MNAT1: variants seen among roughly 807,000 people sequenced by gnomAD.
MNAT1 encodes the protein MNAT1 component of CDK activating kinase.
In MNAT1, 43 loss-of-function variants were observed where a neutral mutation model predicts 42.0. The ratio of observed to expected loss-of-function variants is 1.02; its 90% CI spans 0.80 to 1.32. The LOEUF (loss-of-function observed/expected upper bound fraction) is 1.32, where lower values mean the gene tolerates loss of function less well. MNAT1 is among the 40% of genes most tolerant of loss of function. MNAT1 has a pLI of 0.00. For missense variants in MNAT1, 306 were observed against 350.4 expected, an observed-to-expected ratio of 0.87 and a Z score of 1.01; for synonymous variants, 118 against 120.0, an observed-to-expected ratio of 0.98 and a Z score of 0.11.
At chr14:60,839,502 C>G (rs1047963546) in intron 6 of MNAT1, among the ~76,000 whole-genome samples, 1 of 152,160 alleles carries the variant, frequency 6.6e-6, no homozygotes, top group African/African-American at 2.4e-5. Flanking sequence ...GATAAAAACT[C>G]TGGACCAGGT....
At chr14:60,874,884 T>C (rs1026457136) in intron 6 of MNAT1, among the ~76,000 whole-genome samples, 1 of 152,186 alleles carries the variant, frequency 6.6e-6, no homozygotes, top group Non-Finnish European at 1.5e-5. Flanking sequence ...TTATCTGCTC[T>C]GTTGGTGATT....
At chr14:60,794,452 C>T (rs1160162788) in intron 1 of MNAT1, among the ~76,000 whole-genome samples, 1 of 151,102 alleles carries the variant, frequency 6.6e-6, no homozygotes, top group Non-Finnish European at 1.5e-5. Flanking sequence ...ATCGCTTGAG[C>T]CCAGGAGTTC....
intron 1 of MNAT1, among the ~76,000 whole-genome samples, chr14:60,783,109 A>G (rs1490984341): frequency 6.6e-6 from 1 of 152,246 alleles, no homozygotes; most frequent in Non-Finnish European, 1.5e-5. Context: ...ATAGAGTAAC[A>G]TAAACCTAAT....
At chr14:60,856,007 C>T (rs1180703962) in intron 6 of MNAT1, among the ~76,000 whole-genome samples, 1 of 152,072 alleles carries the variant, frequency 6.6e-6, no homozygotes, top group Non-Finnish European at 1.5e-5. Context: ...AATTAACAAC[C>T]CTACAGTGTC....
At position 60,760,297 on chromosome 14, in the gene MNAT1, T is replaced by A. The variant is rs1025599088; in HGVS notation, c.89+25346T>A. On this transcript the variant is annotated intron_variant, in intron 1 of 7. Coordinates refer to ENST00000261245, the MANE Select transcript of MNAT1 (RefSeq NM_002431.4). ...GGATATTGCTTCTGTTGATGGAAATTTAGAAATATGAAATTTTGATAGCTC... is the reference window on the plus strand; with the variant it reads ...GGATATTGCTTCTGTTGATGGAAATATAGAAATATGAAATTTTGATAGCTC... 4.3e-4 allele frequency among the ~76,000 whole-genome samples: 65 copies of A among 152,286 alleles called. 1 individual carries two copies. The highest frequency in any genetic ancestry group is 1.4e-3 in the African/African-American group (58 of 41,556).
chr14:60,892,858 T>C (rs963660415), intron 7 of MNAT1, among the ~76,000 whole-genome samples: 17 of 152,142 alleles, frequency 1.1e-4, no homozygotes, highest in Admixed American at 1.1e-3. Flanking sequence ...AACTCTGCTT[T>C]TAAACAGTTC....
chr14:60,784,809 C>G (rs1385902743), intron 1 of MNAT1, among the ~76,000 whole-genome samples: 1 of 151,802 alleles, frequency 6.6e-6, no homozygotes, highest in African/African-American at 2.4e-5. Flanking sequence ...TGTAAGAATT[C>G]TTTGGTCAAG....
chr14:60,894,356 G>T (rs187234409), intron 7 of MNAT1, among the ~76,000 whole-genome samples: 1 of 151,908 alleles, frequency 6.6e-6, no homozygotes, highest in Admixed American at 6.6e-5. Flanking sequence ...CTGTTTCATG[G>T]AATATCCTCC....
At chr14:60,826,657 G>C (rs2139376471) in intron 6 of MNAT1, among the ~76,000 whole-genome samples, 1 of 152,164 alleles carries the variant, frequency 6.6e-6, no homozygotes, top group Non-Finnish European at 1.5e-5. Flanking sequence ...CCTCTGTGTG[G>C]TGATAGCTTT....
intron 1 of MNAT1, among the ~76,000 whole-genome samples, chr14:60,768,598 A>G (rs1194647454): frequency 1.3e-5 from 2 of 152,348 alleles, no homozygotes; most frequent in African/African-American, 4.8e-5. Flanking sequence ...ACTACTACTT[A>G]TACAGAAATG....
intron 7 of MNAT1, among the ~76,000 whole-genome samples, chr14:60,939,829 G>A (rs2139586077): frequency 6.6e-6 from 1 of 152,242 alleles, no homozygotes; most frequent in South Asian, 2.1e-4. Context: ...GTTGAGAGTG[G>A]GGTGTTAAAG....
In MNAT1 at chr14:60,927,391, C is replaced by T. The variant is rs145666437; in HGVS notation, c.810-40838C>T. Among the ~76,000 whole-genome samples, 196 of 152,216 alleles carry T rather than the reference C, an allele frequency of 1.3e-3. 2 individuals carry two copies. The Middle Eastern group carries it at 0.017, about 13-fold the overall frequency. ...TAAAATTTACATACCACAAAGGTAACGCATTTTAAATATATGATTCAGTGA... is the reference window on the plus strand; with the variant it reads ...TAAAATTTACATACCACAAAGGTAATGCATTTTAAATATATGATTCAGTGA... On this transcript the variant is annotated intron_variant, in intron 7 of 7. Transcript: ENST00000261245.
At chr14:60,915,915 C>A (rs1052732798) in intron 7 of MNAT1, among the ~76,000 whole-genome samples, 9 of 152,306 alleles carry the variant, frequency 5.9e-5, no homozygotes, top group African/African-American at 1.9e-4. Flanking sequence ...CTGTTTACTG[C>A]ATTCATCGGT....
intron 6 of MNAT1, among the ~76,000 whole-genome samples, chr14:60,858,400 TTG>T (rs2034013691): frequency 6.6e-6 from 1 of 152,004 alleles, no homozygotes; most frequent in South Asian, 2.1e-4. Flanking sequence ...TTCTTATCCT[TTG>T]CCCACTTTTT....
rs540791395 is a variant in MNAT1, at chr14:60,784,582, G to A, written c.90-11635G>A. On this transcript the variant is annotated intron_variant, in intron 1 of 7. Transcript: ENST00000261245. ...TGCAACCTCCGCCTCCCGGGTTCAA[G>A]CAGGTCTCCTGCCCCAGCCTTCTGG... 8.1e-4 allele frequency among the ~76,000 whole-genome samples: 123 copies of A among 152,018 alleles called. 1 individual carries two copies. Among genetic ancestry groups the A allele is most frequent in the South Asian group, 5.0e-3 (24 of 4,810 alleles).
intron 1 of MNAT1, among the ~76,000 whole-genome samples, chr14:60,763,620 G>A (rs929447327): frequency 2.0e-5 from 3 of 152,024 alleles, no homozygotes; most frequent in African/African-American, 4.8e-5. Flanking sequence ...TGTGTGTATC[G>A]TCTGCCTTCC....
At chr14:60,908,268 TA>T (rs2035258177) in intron 7 of MNAT1, among the ~76,000 whole-genome samples, 1 of 152,206 alleles carries the variant, frequency 6.6e-6, no homozygotes, top group South Asian at 2.1e-4. Flanking sequence ...TACAAAGTGC[TA>T]TAAAAGGAAA....
chr14:60,761,629 A>G (rs1237280172), intron 1 of MNAT1, among the ~76,000 whole-genome samples: 1 of 152,164 alleles, frequency 6.6e-6, no homozygotes, highest in Non-Finnish European at 1.5e-5. Flanking sequence ...CTCTTTGTTT[A>G]GGTTATATTT....
intron 6 of MNAT1, among the ~76,000 whole-genome samples, chr14:60,831,567 C>T (rs1422673345): frequency 6.6e-6 from 1 of 152,130 alleles, no homozygotes; most frequent in Non-Finnish European, 1.5e-5. Context: ...TTTCTTCATC[C>T]AGTCTATCAT....
Sources: gnomAD v4.1 joint callset for allele counts (sites outside exome capture counted in the v4.1 genomes callset) on GRCh38, gnomAD v4.1.1 for gene constraint, MANE v1.5 for transcripts, NCBI Gene and HGNC (gene_info 2026-07-23, HGNC 2026-07-21) for gene names.